Variants in SAMD5 observed in about 807,000 individuals in gnomAD.
The protein encoded by SAMD5 is sterile alpha motif domain containing 5.
A neutral mutation model predicts 11.3 loss-of-function variants in SAMD5; 13 were observed. That is an observed-to-expected ratio of 1.15 (90% CI 0.75 to 1.83). SAMD5 has a LOEUF of 1.83. SAMD5 is among the 40% of genes most tolerant of loss of function. The pLI is 0.00. For synonymous variants in SAMD5, 129 were observed against 111.3 expected, an observed-to-expected ratio of 1.16 and a Z score of -1.00; for missense variants, 255 against 239.1, an observed-to-expected ratio of 1.07 and a Z score of -0.44.
intron 1 of SAMD5, among the ~76,000 whole-genome samples, chr6:147,606,161 C>T (rs1457014710): frequency 2.0e-5 from 3 of 152,066 alleles, no homozygotes; most frequent in East Asian, 1.9e-4. Flanking sequence ...GGATTCCTGC[C>T]CAGCCCAGAC....
chr6:147,888,838 C>T, the SAMD5 span, among the ~76,000 whole-genome samples: 3 of 151,198 alleles, frequency 2.0e-5, 1 homozygote, highest in Non-Finnish European at 4.4e-5. Context: ...TGAGCCAAGA[C>T]CGTGCCATTG....
rs1382280930 is a variant in SAMD5 at position 147,671,692 on chromosome 6, C to A, written c.163-65625C>A. Among the ~76,000 whole-genome samples, 3 of 152,066 alleles carry A rather than the reference C, an allele frequency of 2.0e-5. No individual in the cohort carries two copies. In the East Asian group the frequency reaches 5.8e-4, roughly 29 times the overall value. ...CAAGCCACCCATTACTTAATTATTT[C>A]TTCTGTTTTCATAAAAATTTTGGAT... On this transcript the variant is annotated intron_variant, in intron 1 of 1. Coordinates refer to the SAMD5 transcript ENST00000566741.
At chr6:147,828,654 C>T in the SAMD5 span, among the ~76,000 whole-genome samples, 5 of 152,314 alleles carry the variant, frequency 3.3e-5, no homozygotes, top group South Asian at 1.0e-3. Flanking sequence ...GACTTCCTTG[C>T]TCTCAGCTTG....
At chr6:147,524,774 A>G (rs532836747) in intron 1 of SAMD5, among the ~76,000 whole-genome samples, 1 of 152,312 alleles carries the variant, frequency 6.6e-6, no homozygotes, top group South Asian at 2.1e-4. Flanking sequence ...TATTAATAAC[A>G]TAAGGAAAAA....
At chr6:147,753,148 C>T in the SAMD5 span, among the ~76,000 whole-genome samples, 6 of 152,088 alleles carry the variant, frequency 3.9e-5, no homozygotes, top group Non-Finnish European at 5.9e-5. Flanking sequence ...GTGTTGATTC[C>T]GACATTCAGA....
intron 1 of SAMD5, among the ~76,000 whole-genome samples, chr6:147,603,070 T>A (rs924403371): frequency 2.0e-5 from 3 of 152,162 alleles, no homozygotes; most frequent in Non-Finnish European, 4.4e-5. Flanking sequence ...CATGTAAAAG[T>A]AAAGATGAAA....
chr6:147,826,610 G>A, the SAMD5 span, among the ~76,000 whole-genome samples: 4 of 152,178 alleles, frequency 2.6e-5, no homozygotes, highest in African/African-American at 9.7e-5. Context: ...TTCTCATCTG[G>A]TGTCTAGTCT....
At chr6:147,924,256 G>T in the SAMD5 span, among the ~76,000 whole-genome samples, 3 of 152,094 alleles carry the variant, frequency 2.0e-5, no homozygotes, top group African/African-American at 7.2e-5. Flanking sequence ...TAGTTTAGCA[G>T]GGGGAACACT....
the SAMD5 span, among the ~76,000 whole-genome samples, chr6:147,830,659 A>G: frequency 2.9e-3 from 439 of 152,276 alleles, 3 homozygotes; most frequent in Non-Finnish European, 4.9e-3. Flanking sequence ...CTCCTCTTTT[A>G]CTACTTGTAA....
the SAMD5 span, among the ~76,000 whole-genome samples, chr6:147,915,816 T>C: frequency 6.6e-6 from 1 of 152,174 alleles, no homozygotes; most frequent in South Asian, 2.1e-4. Context: ...GTTTGTTACA[T>C]ACGTATACAT....
intron 1 of SAMD5, among the ~76,000 whole-genome samples, chr6:147,725,542 C>T (rs1432754274): frequency 6.6e-6 from 1 of 152,146 alleles, no homozygotes; most frequent in Non-Finnish European, 1.5e-5. Context: ...GTGCCCACCA[C>T]CATGCCCAGC....
intron 1 of SAMD5, among the ~76,000 whole-genome samples, chr6:147,646,911 G>A (rs952754133): frequency 6.6e-6 from 1 of 151,074 alleles, no homozygotes; most frequent in African/African-American, 2.4e-5. Context: ...GCCAAGGTGG[G>A]TGTATCACCT....
intron 1 of SAMD5, among the ~76,000 whole-genome samples, chr6:147,647,606 G>T (rs1013094371): frequency 6.6e-6 from 1 of 152,092 alleles, no homozygotes; most frequent in Non-Finnish European, 1.5e-5. Flanking sequence ...ATATGGAAGA[G>T]GATGAGTTGG....
rs1562318588 is a variant in SAMD5, at chr6:147,551,815, TATATATATA to T, written c.460-12578_460-12570del. Among the ~76,000 whole-genome samples, 17 of 133,126 alleles carry T rather than the reference TATATATATA, an allele frequency of 1.3e-4. No individual in the cohort carries two copies. In the South Asian group the frequency reaches 1.8e-3, roughly 14 times the overall value. 87.3% of individuals were successfully genotyped at this position (133,126 alleles called of 152,430 possible). On this transcript the variant is annotated intron_variant, in intron 1 of 1. Coordinates refer to ENST00000367474, the MANE Select transcript of SAMD5 (RefSeq NM_001030060.3). ...AAATGTGATTCTTATATATATGTTA[TATATATATA>T]TATATATATATATGTATATATGTAT...
At chr6:147,675,566 G>A (rs1453407889) in intron 1 of SAMD5, among the ~76,000 whole-genome samples, 3 of 152,126 alleles carry the variant, frequency 2.0e-5, no homozygotes, top group Non-Finnish European at 2.9e-5. Context: ...TTCTACGCGG[G>A]TTTTGTATGT....
chr6:147,737,325 A>G, exon 2 of SAMD5: 1 of 1,246,956 alleles, frequency 8.0e-7, no homozygotes, highest in Non-Finnish European at 1.0e-6. Flanking sequence ...AGGTATTATT[A>G]TGCCGCTACC....
At chr6:147,839,609 G>C in the SAMD5 span, among the ~76,000 whole-genome samples, 10 of 152,236 alleles carry the variant, frequency 6.6e-5, no homozygotes, top group East Asian at 1.9e-3. Context: ...AATTAGCTGG[G>C]TGTGGTGGCA....
the SAMD5 span, among the ~76,000 whole-genome samples, chr6:147,821,908 C>T: frequency 6.6e-6 from 1 of 152,044 alleles, no homozygotes; most frequent in Admixed American, 6.5e-5. Context: ...CTTTATATCC[C>T]TAGAGCCTAG....
At chr6:147,607,385 A>T (rs1789719304) in intron 1 of SAMD5, among the ~76,000 whole-genome samples, 1 of 152,208 alleles carries the variant, frequency 6.6e-6, no homozygotes, top group South Asian at 2.1e-4. Flanking sequence ...ATCCTAAGCA[A>T]AAAGAACAAA....
Sources: allele counts gnomAD v4.1 joint callset (sites outside exome capture counted in the v4.1 genomes callset), GRCh38; gene constraint gnomAD v4.1.1; transcripts MANE v1.5; gene names NCBI Gene and HGNC (gene_info 2026-07-23, HGNC 2026-07-21).